The following GALNT13 variants were observed in gnomAD, a reference collection of about 807,000 sequenced individuals.
GALNT13 encodes polypeptide N-acetylgalactosaminyltransferase 13.
Under a neutral mutation model 64.2 loss-of-function variants are expected in GALNT13, and 28 were observed. That is an observed-to-expected ratio of 0.44 (90% CI 0.32 to 0.60). The LOEUF is 0.60. Among genes scored for constraint, GALNT13 ranks in the 20% least tolerant of loss-of-function variants. The probability of loss-of-function intolerance (pLI) is 0.05; values close to 1 mark genes in which losing one functional copy is unlikely to be tolerated. For synonymous variants in GALNT13, 214 were observed against 224.6 expected (o/e 0.95, Z 0.42); for missense variants, 577 against 669.8 (o/e 0.86, Z 1.53).
intron 8 of GALNT13, among the ~76,000 whole-genome samples, chr2:154,281,472 A>G (rs1055158556): frequency 5.3e-5 from 8 of 152,206 alleles, no homozygotes; most frequent in Admixed American, 5.2e-4. Flanking sequence ...CACAAAAGCC[A>G]TAAAGTGTGG....
intron 8 of GALNT13, among the ~76,000 whole-genome samples, chr2:154,277,223 T>C (rs950923648): frequency 6.6e-6 from 1 of 152,160 alleles, no homozygotes; most frequent in African/African-American, 2.4e-5. Context: ...TTCAACAAAT[T>C]GAGCCTATTA....
upstream of GALNT13, among the ~76,000 whole-genome samples, chr2:153,869,047 A>G (rs1685808448): frequency 6.6e-6 from 1 of 152,116 alleles, no homozygotes; most frequent in South Asian, 2.1e-4. Flanking sequence ...CCTCACCAAA[A>G]TTTACCAATG....
the GALNT13 span, among the ~76,000 whole-genome samples, chr2:153,404,188 G>C: frequency 6.6e-6 from 1 of 152,168 alleles, no homozygotes; most frequent in Non-Finnish European, 1.5e-5. Flanking sequence ...TTATAGTTCA[G>C]GGTTTTTGAG....
At chr2:153,400,186 G>T in the GALNT13 span, among the ~76,000 whole-genome samples, 2 of 151,752 alleles carry the variant, frequency 1.3e-5, no homozygotes, top group Admixed American at 6.6e-5. Flanking sequence ...AGATAATCAT[G>T]TGGTTTTTGT....
chr2:154,367,267 T>C (rs891053528), intron 9 of GALNT13, among the ~76,000 whole-genome samples: 67 of 152,142 alleles, frequency 4.4e-4, no homozygotes, highest in African/African-American at 1.6e-3. Context: ...ATCCCTTATC[T>C]ATGTGGAAAA....
chr2:154,145,100 C>CTATCTATATA (rs796615512), intron 4 of GALNT13, among the ~76,000 whole-genome samples: 137 of 119,510 alleles, frequency 1.1e-3, no homozygotes, highest in Non-Finnish European at 1.9e-3. Flanking sequence ...ATCTATCTAT[C>CTATCTATATA]TATATATATA....
chr2:153,222,530 C>T, the GALNT13 span, among the ~76,000 whole-genome samples: 1 of 152,104 alleles, frequency 6.6e-6, no homozygotes, highest in African/African-American at 2.4e-5. Context: ...TGAGGACCCA[C>T]CCCTTTCTGC....
chr2:153,578,581 C>T, the GALNT13 span, among the ~76,000 whole-genome samples: 1 of 152,166 alleles, frequency 6.6e-6, no homozygotes, highest in African/African-American at 2.4e-5. Flanking sequence ...AGCGTAAGAT[C>T]TAAAGGCACA....
the GALNT13 span, among the ~76,000 whole-genome samples, chr2:153,461,425 C>T: frequency 6.6e-6 from 1 of 152,040 alleles, no homozygotes; most frequent in Admixed American, 6.6e-5. Context: ...GAACCCCTTC[C>T]TTCAGCCATC....
chr2:154,025,476 C>T lies in GALNT13; in HGVS notation c.142+80837C>T, dbSNP rs560880494. ...ACATAACACATTCATTCTTTATGGA[C>T]GCTAATCAACAGTATGTACAGTTTT... On this transcript the variant is annotated intron_variant, in intron 3 of 12. Transcript: ENST00000392825. Among the ~76,000 whole-genome samples the T allele has an allele frequency of 2.2e-4, 34 of 152,176 alleles. 1 individual carries two copies. Among genetic ancestry groups the T allele is most frequent in the African/African-American group, 5.1e-4 (21 of 41,524 alleles).
At chr2:153,486,254 A>G in the GALNT13 span, among the ~76,000 whole-genome samples, 10 of 152,108 alleles carry the variant, frequency 6.6e-5, no homozygotes, top group Non-Finnish European at 1.3e-4. Flanking sequence ...TTTTAATGAA[A>G]TTTGTAAACT....
chr2:154,098,821 C>T (rs933091762), intron 3 of GALNT13, among the ~76,000 whole-genome samples: 24 of 151,968 alleles, frequency 1.6e-4, no homozygotes, highest in African/African-American at 5.1e-4. Context: ...CCAGTAATCC[C>T]TTGAAGGACA....
chr2:153,114,234 G>GT, the GALNT13 span, among the ~76,000 whole-genome samples: 1 of 152,060 alleles, frequency 6.6e-6, no homozygotes, highest in Non-Finnish European at 1.5e-5. Flanking sequence ...TCGCTTGAAC[G>GT]TAAGTTTAGT....
At chr2:153,140,176 G>A in the GALNT13 span, among the ~76,000 whole-genome samples, 1 of 151,994 alleles carries the variant, frequency 6.6e-6, no homozygotes, top group Non-Finnish European at 1.5e-5. Flanking sequence ...AATGATAATA[G>A]TCATTAACAT....
At chr2:153,906,462 T>C (rs1329796260) in intron 2 of GALNT13, among the ~76,000 whole-genome samples, 4 of 148,316 alleles carry the variant, frequency 2.7e-5, no homozygotes, top group African/African-American at 9.9e-5. Context: ...GTTCTCATTA[T>C]TCAATTCCCA....
chr2:154,373,668 A>G (rs1000542597), intron 9 of GALNT13, among the ~76,000 whole-genome samples: 7 of 152,294 alleles, frequency 4.6e-5, no homozygotes, highest in Middle Eastern at 3.4e-3. Flanking sequence ...TGCTTTTTAT[A>G]TTGTCTTTAC....
the GALNT13 span, among the ~76,000 whole-genome samples, chr2:153,793,015 A>C: frequency 7.6e-6 from 1 of 131,602 alleles, no homozygotes; most frequent in Non-Finnish European, 1.5e-5. Flanking sequence ...TCTGTTGCCC[A>C]GGCTGGAGTG....
chr2:154,168,002 G>T (rs975833910), intron 4 of GALNT13, among the ~76,000 whole-genome samples: 1 of 152,300 alleles, frequency 6.6e-6, no homozygotes, highest in Non-Finnish European at 1.5e-5. Flanking sequence ...AGCCAAGTCA[G>T]GTGGGGAGGG....
At chr2:153,282,900 T>C in the GALNT13 span, among the ~76,000 whole-genome samples, 2 of 152,346 alleles carry the variant, frequency 1.3e-5, no homozygotes, top group Non-Finnish European at 2.9e-5. Flanking sequence ...TAGAGGATGT[T>C]GGGCAGAATC....
Sources: allele counts gnomAD v4.1 joint callset (sites outside exome capture counted in the v4.1 genomes callset), GRCh38; gene constraint gnomAD v4.1.1; transcripts MANE v1.5; gene names NCBI Gene and HGNC (gene_info 2026-07-23, HGNC 2026-07-21).